ZNF804B: variants seen among roughly 807,000 people sequenced by gnomAD.
ZNF804B encodes the protein zinc finger protein 804B.
A neutral mutation model predicts 101.4 loss-of-function variants in ZNF804B; 80 were observed. The ratio of observed to expected loss-of-function variants is 0.79; its 90% CI spans 0.66 to 0.95. ZNF804B has a LOEUF of 0.95. Among genes scored for constraint, ZNF804B ranks in the 40% least tolerant of loss-of-function variants. ZNF804B has a pLI of 0.00. For missense variants in ZNF804B, 1,673 were observed against 1,561.9 expected, an observed-to-expected ratio of 1.07 and a Z score of -1.20; for synonymous variants, 622 against 558.8, an observed-to-expected ratio of 1.11 and a Z score of -1.59.
At chr7:89,062,800 C>G (rs769134041) in intron 1 of ZNF804B, among the ~76,000 whole-genome samples, 1 of 152,030 alleles carries the variant, frequency 6.6e-6, no homozygotes, top group Non-Finnish European at 1.5e-5. Flanking sequence ...ACAGGTAATT[C>G]CTACATACTT....
intron 1 of ZNF804B, among the ~76,000 whole-genome samples, chr7:89,005,739 G>A (rs1788362113): frequency 6.6e-6 from 1 of 152,056 alleles, no homozygotes. Context: ...AAGCAGAAGT[G>A]TTTCCAAACA....
intron 1 of ZNF804B, among the ~76,000 whole-genome samples, chr7:89,096,603 T>C (rs1189415004): frequency 2.0e-5 from 3 of 152,184 alleles, no homozygotes; most frequent in African/African-American, 7.2e-5. Context: ...TTTTTCCCAG[T>C]TCCTGATTTT....
intron 1 of ZNF804B, among the ~76,000 whole-genome samples, chr7:89,076,609 C>T (rs934186830): frequency 6.6e-6 from 1 of 152,110 alleles, no homozygotes; most frequent in African/African-American, 2.4e-5. Flanking sequence ...TCAAATAATA[C>T]AACCAGTTAG....
chr7:89,201,698 C>G (rs1220034540), intron 1 of ZNF804B, among the ~76,000 whole-genome samples: 3 of 151,954 alleles, frequency 2.0e-5, no homozygotes, highest in African/African-American at 7.2e-5. Flanking sequence ...GTATGACTTC[C>G]TCTTTATTAA....
intron 1 of ZNF804B, among the ~76,000 whole-genome samples, chr7:89,004,480 GT>G (rs1019393666): frequency 2.1e-4 from 32 of 151,426 alleles, no homozygotes; most frequent in Admixed American, 5.3e-4. Context: ...AGTTTCTGGG[GT>G]TTTTTTTGTT....
intron 1 of ZNF804B, among the ~76,000 whole-genome samples, chr7:89,012,304 G>A (rs13227992): frequency 0.12 from 18,926 of 151,900 alleles, 1,764 homozygotes; most frequent in East Asian, 0.27. Flanking sequence ...GACTTCTGCC[G>A]TGCCACAGAG....
intron 2 of ZNF804B, among the ~76,000 whole-genome samples, chr7:89,254,952 G>A (rs1016223606): frequency 9.2e-5 from 14 of 152,082 alleles, no homozygotes; most frequent in African/African-American, 1.7e-4. Context: ...AGCCAGGACT[G>A]TTAAAGAAGA....
At chr7:89,210,936 G>A (rs181611835) in intron 1 of ZNF804B, among the ~76,000 whole-genome samples, 2 of 152,280 alleles carry the variant, frequency 1.3e-5, no homozygotes, top group Non-Finnish European at 2.9e-5. Flanking sequence ...TTCCACAATG[G>A]TTGCTAATTT....
At chr7:88,985,954 C>A (rs1394724186) in intron 1 of ZNF804B, among the ~76,000 whole-genome samples, 1 of 152,078 alleles carries the variant, frequency 6.6e-6, no homozygotes, top group Non-Finnish European at 1.5e-5. Flanking sequence ...CTCTCATAGT[C>A]TTTCAAAATG....
chr7:89,217,707 G>A (rs115152068), intron 1 of ZNF804B, among the ~76,000 whole-genome samples: 216 of 152,288 alleles, frequency 1.4e-3, no homozygotes, highest in African/African-American at 4.9e-3. Context: ...GAACATAATG[G>A]ATACATCAGG....
chr7:88,796,729 A>G (rs1790491613), intron 1 of ZNF804B, among the ~76,000 whole-genome samples: 1 of 152,242 alleles, frequency 6.6e-6, no homozygotes, highest in African/African-American at 2.4e-5. Flanking sequence ...TTCTTTGCCC[A>G]GTTAGCTCAG....
chr7:89,011,246 A>C (rs1012392084), intron 1 of ZNF804B, among the ~76,000 whole-genome samples: 2 of 152,130 alleles, frequency 1.3e-5, no homozygotes, highest in Non-Finnish European at 2.9e-5. Context: ...CCCATGATCC[A>C]ATTACCTCCA....
intron 1 of ZNF804B, among the ~76,000 whole-genome samples, chr7:89,162,236 T>A (rs79712898): frequency 0.012 from 1,787 of 152,276 alleles, 35 homozygotes; most frequent in African/African-American, 0.04. Flanking sequence ...TTACTTTTTT[T>A]AAAAACATTC....
At chr7:88,982,343 G>T (rs1483835253) in intron 1 of ZNF804B, among the ~76,000 whole-genome samples, 1 of 152,022 alleles carries the variant, frequency 6.6e-6, no homozygotes, top group African/African-American at 2.4e-5. Context: ...AGACCCACAG[G>T]CATCCTTAGT....
At chr7:89,147,194 T>C (rs1790805167) in intron 1 of ZNF804B, among the ~76,000 whole-genome samples, 1 of 151,626 alleles carries the variant, frequency 6.6e-6, no homozygotes, top group Non-Finnish European at 1.5e-5. Flanking sequence ...GACCACAAAG[T>C]GATTCTGTGA....
At chr7:88,771,585 T>C (rs1790064396) in intron 1 of ZNF804B, among the ~76,000 whole-genome samples, 2 of 152,078 alleles carry the variant, frequency 1.3e-5, no homozygotes, top group African/African-American at 2.4e-5. Flanking sequence ...TCTCTGTTGC[T>C]TCACTTTTCT....
At chr7:89,141,795 A>AT (rs551571836) in intron 1 of ZNF804B, among the ~76,000 whole-genome samples, 1 of 151,478 alleles carries the variant, frequency 6.6e-6, no homozygotes, top group African/African-American at 2.4e-5. Flanking sequence ...TTGTAAGTAT[A>AT]TTTTTTTTCT....
At chr7:88,861,018 C>T (rs1420138128) in intron 1 of ZNF804B, among the ~76,000 whole-genome samples, 2 of 152,098 alleles carry the variant, frequency 1.3e-5, no homozygotes, top group Non-Finnish European at 2.9e-5. Context: ...AATTTCTGCC[C>T]AGGATGCTGA....
intron 1 of ZNF804B, among the ~76,000 whole-genome samples, chr7:88,992,845 T>C (rs1004489547): frequency 1.3e-5 from 2 of 152,098 alleles, no homozygotes; most frequent in African/African-American, 4.8e-5. Flanking sequence ...TCTTGGGATT[T>C]CTGTAACTCT....
Sources: gnomAD v4.1 joint callset for allele counts (sites outside exome capture counted in the v4.1 genomes callset) on GRCh38, gnomAD v4.1.1 for gene constraint, MANE v1.5 for transcripts, NCBI Gene and HGNC (gene_info 2026-07-23, HGNC 2026-07-21) for gene names.